RYR3: variants seen among roughly 807,000 people sequenced by gnomAD.
RYR3 encodes the protein brain ryanodine receptor-calcium release channel.
Under a neutral mutation model 584.3 loss-of-function variants are expected in RYR3, and 207 were observed. The observed-to-expected ratio is 0.35, with a 90% CI of 0.32 to 0.40. RYR3 has a LOEUF of 0.40. Among genes scored for constraint, RYR3 ranks in the 10% least tolerant of loss-of-function variants. The pLI is 1.00. For synonymous variants in RYR3, 2,416 were observed against 2,248.5 expected (o/e 1.07, Z -2.11); for missense variants, 5,616 against 6,089.2 (o/e 0.92, Z 2.59).
chr15:33,616,686 G>A (rs1473668348), intron 19 of RYR3, among the ~76,000 whole-genome samples: 2 of 152,320 alleles, frequency 1.3e-5, no homozygotes, highest in South Asian at 4.1e-4. Flanking sequence ...ACAGGTGGAA[G>A]GCTAAAAAGC....
chr15:33,865,119 A>C lies in RYR3; in HGVS notation c.14518-12A>C, dbSNP rs751173871. ...GTTTAAAAATAAGCACCCGTTGTTC[A>C]TATTATTTCAGGAATCTTATGTCTG... On this transcript the variant is annotated splice_polypyrimidine_tract_variant and intron_variant, in intron 103 of 103. Coordinates refer to ENST00000634891, the MANE Select transcript of RYR3 (RefSeq NM_001036.6). 6.2e-7 allele frequency: 1 copy of C among 1,601,868 alleles called. No individual in the cohort carries two copies. Among genetic ancestry groups the C allele is most frequent in the Non-Finnish European group, 8.5e-7 (1 of 1,170,054 alleles).
rs1394439367 is a variant in RYR3 at position 33,711,397 on chromosome 15, C to G, written c.6619+4343C>G. On this transcript the variant is annotated intron_variant, in intron 43 of 103. Transcript: ENST00000634891. The stretch of plus-strand genomic sequence containing the variant: ...TAGCTGGGACTATAGGCACCCACCA[C>G]CATGCCTGGCTAACTTTTTGTATTT... Among the ~76,000 whole-genome samples the G allele has an allele frequency of 3.3e-5, 5 of 152,214 alleles. No individual in the cohort carries two copies. In the East Asian group the frequency reaches 9.7e-4, roughly 29 times the overall value.
intron 23 of RYR3, among the ~76,000 whole-genome samples, chr15:33,632,148 C>T (rs929317779): frequency 1.3e-5 from 2 of 152,242 alleles, no homozygotes; most frequent in Non-Finnish European, 2.9e-5. Flanking sequence ...CCCTGCATCT[C>T]ATGTTGCTCA....
chr15:33,560,701 G>A (rs1313699428), intron 10 of RYR3, among the ~76,000 whole-genome samples: 2 of 152,038 alleles, frequency 1.3e-5, no homozygotes, highest in African/African-American at 4.8e-5. Flanking sequence ...TGTCTCTAGA[G>A]CTATGAATAT....
intron 1 of RYR3, among the ~76,000 whole-genome samples, chr15:33,408,593 T>C (rs1483499457): frequency 1.3e-5 from 2 of 152,238 alleles, no homozygotes; most frequent in Non-Finnish European, 2.9e-5. Flanking sequence ...CCACAGTGGC[T>C]GAACTAAGTT....
intron 67 of RYR3, among the ~76,000 whole-genome samples, chr15:33,794,865 C>T (rs2075498191): frequency 6.6e-6 from 1 of 152,158 alleles, no homozygotes; most frequent in Admixed American, 6.5e-5. Flanking sequence ...TCTTACCTCC[C>T]AGTGGATGGA....
intron 67 of RYR3, among the ~76,000 whole-genome samples, chr15:33,796,619 C>T (rs1194816150): frequency 1.3e-5 from 2 of 152,280 alleles, no homozygotes; most frequent in East Asian, 1.9e-4. Flanking sequence ...TACATAGGTA[C>T]ATTGTTTAGT....
intron 1 of RYR3, among the ~76,000 whole-genome samples, chr15:33,325,824 C>T (rs1373030129): frequency 2.7e-5 from 4 of 150,314 alleles, no homozygotes; most frequent in African/African-American, 9.8e-5. Flanking sequence ...GTTGTTGAGA[C>T]AGGGTCTCAC....
intron 2 of RYR3, among the ~76,000 whole-genome samples, chr15:33,500,123 T>C (rs1596381618): frequency 6.6e-6 from 1 of 152,180 alleles, no homozygotes; most frequent in East Asian, 1.9e-4. Context: ...AACAATAGAA[T>C]AAGGCACAGA....
intron 3 of RYR3, among the ~76,000 whole-genome samples, chr15:33,508,027 A>C (rs2052626374): frequency 6.6e-6 from 1 of 152,144 alleles, no homozygotes; most frequent in South Asian, 2.1e-4. Context: ...GTGCATGTTA[A>C]ACTTAACTCC....
chr15:33,811,254 C>G (rs1049590060), intron 72 of RYR3, among the ~76,000 whole-genome samples: 2 of 151,744 alleles, frequency 1.3e-5, no homozygotes, highest in Non-Finnish European at 2.9e-5. Flanking sequence ...ACCTGTAATC[C>G]CAGCACTTTG....
intron 1 of RYR3, among the ~76,000 whole-genome samples, chr15:33,326,055 C>T (rs182626623): frequency 3.3e-5 from 5 of 152,226 alleles, no homozygotes; most frequent in East Asian, 1.9e-4. Context: ...CTGCTCACCT[C>T]GGCCTCCCAA....
chr15:33,572,038 T>C (rs1220205658), intron 12 of RYR3, among the ~76,000 whole-genome samples: 5 of 152,188 alleles, frequency 3.3e-5, no homozygotes, highest in Non-Finnish European at 2.9e-5. Context: ...TTCAAATTAA[T>C]ACTAACTTAA....
At chr15:33,384,827 C>G (rs112090824) in intron 1 of RYR3, among the ~76,000 whole-genome samples, 2,087 of 152,156 alleles carry the variant, frequency 0.014, 47 homozygotes, top group African/African-American at 0.047. Context: ...TTGACCAACA[C>G]CTCCTTAACA....
intron 1 of RYR3, among the ~76,000 whole-genome samples, chr15:33,378,039 C>T (rs1221389337): frequency 6.6e-6 from 1 of 152,198 alleles, no homozygotes; most frequent in African/African-American, 2.4e-5. Flanking sequence ...GCCTTGGCCT[C>T]CCAAAGTGCT....
At chr15:33,476,834 T>A (rs2049427881) in intron 2 of RYR3, among the ~76,000 whole-genome samples, 1 of 152,128 alleles carries the variant, frequency 6.6e-6, no homozygotes, top group Non-Finnish European at 1.5e-5. Flanking sequence ...AGAAACAGGG[T>A]CAAATTCACG....
chr15:33,552,691 C>T (rs1041620182), intron 10 of RYR3, among the ~76,000 whole-genome samples: 3 of 152,088 alleles, frequency 2.0e-5, no homozygotes, highest in Non-Finnish European at 4.4e-5. Context: ...TTCTTTGGGA[C>T]GTTGTGTGGG....
At chr15:33,827,935 A>G (rs2077464743) in intron 85 of RYR3, among the ~76,000 whole-genome samples, 1 of 152,204 alleles carries the variant, frequency 6.6e-6, no homozygotes, top group Admixed American at 6.5e-5. Context: ...ATTTTATTGC[A>G]GTTGGTATTA....
chr15:33,732,441 G>A (rs929799534), intron 48 of RYR3, among the ~76,000 whole-genome samples: 1 of 149,948 alleles, frequency 6.7e-6, no homozygotes, highest in African/African-American at 2.4e-5. Context: ...AGCAACAAAT[G>A]AAAGAAAAAA....
Sources: allele counts gnomAD v4.1 joint callset (sites outside exome capture counted in the v4.1 genomes callset), GRCh38; gene constraint gnomAD v4.1.1; transcripts MANE v1.5; gene names NCBI Gene and HGNC (gene_info 2026-07-23, HGNC 2026-07-21).